The following STIM2 variants were observed in gnomAD, a reference collection of about 807,000 sequenced individuals.
The protein encoded by STIM2 is stromal interaction molecule 2.
STIM2 carries 31 observed loss-of-function variants against 85.8 expected under a neutral mutation model. That is an observed-to-expected ratio of 0.36 (90% CI 0.27 to 0.49). STIM2 has a LOEUF of 0.49. Among genes scored for constraint, STIM2 ranks in the 20% least tolerant of loss-of-function variants. The pLI is 0.98. For synonymous variants in STIM2, 356 were observed against 331.1 expected, an observed-to-expected ratio of 1.08 and a Z score of -0.82; for missense variants, 841 against 927.6, an observed-to-expected ratio of 0.91 and a Z score of 1.21.
At chr4:26,903,677 G>A (rs1198804922) in intron 1 of STIM2, among the ~76,000 whole-genome samples, 2 of 152,120 alleles carry the variant, frequency 1.3e-5, no homozygotes, top group African/African-American at 4.8e-5. Flanking sequence ...GCTGAGGCCT[G>A]CAAAGAATAC....
At chr4:26,862,270 G>A (rs1295248638) in intron 1 of STIM2, among the ~76,000 whole-genome samples, 1 of 151,308 alleles carries the variant, frequency 6.6e-6, no homozygotes, top group Non-Finnish European at 1.5e-5. Flanking sequence ...TATTATATAA[G>A]GACCCTGAAA....
Position 27,008,020 on chromosome 4 carries a change from G to A in STIM2, c.1149+320G>A, listed in dbSNP as rs114621677. On this transcript the variant is annotated intron_variant, in intron 8 of 11. Coordinates refer to ENST00000467087, the MANE Select transcript of STIM2 (RefSeq NM_020860.4). Reference sequence around the variant, plus strand: ...TATCTGATTCAGGTTAGTAGTTACTGGAAATTAACTTTGACACTTAAATTG... The same window carrying A: ...TATCTGATTCAGGTTAGTAGTTACTAGAAATTAACTTTGACACTTAAATTG... 1,138 of 716,638 alleles carry A rather than the reference G, an allele frequency of 1.6e-3. 12 individuals carry two copies. The African/African-American group carries it at 0.019, about 12-fold the overall frequency. The allele number at this position is 716,638 out of a possible 1,614,324, so 44.4% of individuals were successfully genotyped here. A position where few individuals can be genotyped will look rare whatever the true frequency, so the allele number is the denominator to read the frequency against.
chr4:27,016,360 A>G (rs1269022946), intron 10 of STIM2, among the ~76,000 whole-genome samples: 6 of 152,134 alleles, frequency 3.9e-5, no homozygotes, highest in Non-Finnish European at 8.8e-5. Flanking sequence ...TGTTTTACTT[A>G]GCTATTGTTA....
At chr4:26,863,906 A>C (rs1308474502) in intron 1 of STIM2, among the ~76,000 whole-genome samples, 2 of 152,114 alleles carry the variant, frequency 1.3e-5, no homozygotes, top group Non-Finnish European at 2.9e-5. Flanking sequence ...CATTTTTAAT[A>C]CTTACCTTTA....
At chr4:26,918,298 T>A (rs1037337381) in intron 1 of STIM2, among the ~76,000 whole-genome samples, 4 of 151,788 alleles carry the variant, frequency 2.6e-5, no homozygotes, top group Non-Finnish European at 5.9e-5. Context: ...TTCTCCCAGC[T>A]TTTTTTCTCC....
intron 1 of STIM2, among the ~76,000 whole-genome samples, chr4:26,880,484 A>G (rs1382855452): frequency 2.0e-5 from 3 of 151,716 alleles, no homozygotes; most frequent in Non-Finnish European, 4.4e-5. Flanking sequence ...ATAAGCTGTA[A>G]AAGGATTGGG....
chr4:26,947,846 A>G (rs1192644822), intron 2 of STIM2, among the ~76,000 whole-genome samples: 2 of 152,092 alleles, frequency 1.3e-5, no homozygotes, highest in Admixed American at 1.3e-4. Context: ...AGGCAACTTG[A>G]CTCTGTGTAT....
At chr4:27,021,936 GTC>G (rs936907840) in intron 11 of STIM2, among the ~76,000 whole-genome samples, 5 of 152,226 alleles carry the variant, frequency 3.3e-5, no homozygotes, top group South Asian at 2.1e-4. Flanking sequence ...TTTACTGAAT[GTC>G]TGTTTTTTTT....
At chr4:26,934,303 C>G (rs575374915) in intron 2 of STIM2, among the ~76,000 whole-genome samples, 1 of 152,276 alleles carries the variant, frequency 6.6e-6, no homozygotes, top group East Asian at 1.9e-4. Flanking sequence ...TTAGATTATA[C>G]ATCCTTTTTG....
rs1415794943 is a variant in STIM2, at chr4:26,861,190, G to GGCT, written c.-23_-21dup. The GGCT allele has an allele frequency of 3.5e-6, 5 of 1,443,856 alleles. No individual in the cohort carries two copies. In the African/African-American group the frequency reaches 5.9e-5, roughly 17 times the overall value. The allele number at this position is 1,443,856 out of a possible 1,614,324, so 89.4% of individuals were successfully genotyped here. ...TCGACTCCTGGCCCAGCGTGGGGCT[G>GGCT]GCTGCTGCGGCGGCGGCGCTGGGCT... On this transcript the variant is annotated 5_prime_UTR_variant, in exon 1 of 12. Coordinates refer to ENST00000467087, the MANE Select transcript of STIM2 (RefSeq NM_020860.4).
intron 11 of STIM2, among the ~76,000 whole-genome samples, chr4:27,020,545 G>A (rs776419320): frequency 6.6e-6 from 1 of 152,214 alleles, no homozygotes; most frequent in Non-Finnish European, 1.5e-5. Context: ...CCTTTCGAGA[G>A]CTTGTAGTGC....
intron 10 of STIM2, among the ~76,000 whole-genome samples, chr4:27,015,279 T>G (rs1042807967): frequency 2.0e-5 from 3 of 152,004 alleles, no homozygotes; most frequent in Non-Finnish European, 4.4e-5. Flanking sequence ...TTTTAGCCAC[T>G]GCTCTCGCAT....
chr4:26,942,843 C>T (rs867067209), intron 2 of STIM2, among the ~76,000 whole-genome samples: 1 of 152,076 alleles, frequency 6.6e-6, no homozygotes, highest in African/African-American at 2.4e-5. Flanking sequence ...GGTTATCTTA[C>T]CTAATTTCAA....
At chr4:26,972,802 T>G (rs1727013607) in intron 3 of STIM2, among the ~76,000 whole-genome samples, 1 of 152,226 alleles carries the variant, frequency 6.6e-6, no homozygotes, top group Admixed American at 6.5e-5. Flanking sequence ...TTGGAATAGT[T>G]TCAGAAGGAA....
chr4:26,899,014 T>C (rs1416473698), intron 1 of STIM2, among the ~76,000 whole-genome samples: 6 of 152,006 alleles, frequency 3.9e-5, no homozygotes, highest in Non-Finnish European at 8.8e-5. Flanking sequence ...AATAGAACCT[T>C]AGTAAATGTT....
At chr4:26,861,694 GATTT>G in intron 1 of STIM2, 2 of 161,126 alleles carry the variant, frequency 1.2e-5, no homozygotes, top group Middle Eastern at 2.3e-3. Context: ...GGACTGGGCT[GATTT>G]TTTTTTTTTT....
chr4:27,023,266 C>G lies in STIM2; in HGVS notation c.*270C>G, dbSNP rs1050291571. ...AGTCATTTCTGCCTATTTATTTCTG[C>G]TTTGTTCTCAGTGATGTATATGCAA... is the stretch of plus-strand genomic sequence containing the variant. On this transcript the variant is annotated 3_prime_UTR_variant, in exon 12 of 12. Transcript: ENST00000467087. 8.5e-5 allele frequency: 35 copies of G among 410,540 alleles called. 2 individuals are homozygous for G. The highest frequency in any genetic ancestry group is 6.2e-4 in the Admixed American group (16 of 25,792). The allele number at this position is 410,540 out of a possible 1,614,324, so 25.4% of individuals were successfully genotyped here. A position where few individuals can be genotyped will look rare whatever the true frequency, so the allele number is the denominator to read the frequency against.
At chr4:26,867,282 A>T (rs1722443498) in intron 1 of STIM2, among the ~76,000 whole-genome samples, 1 of 152,168 alleles carries the variant, frequency 6.6e-6, no homozygotes, top group African/African-American at 2.4e-5. Flanking sequence ...GAAGAAACAC[A>T]CTATTTGTGA....
chr4:26,989,828 C>T (rs992559620), intron 3 of STIM2, among the ~76,000 whole-genome samples: 36 of 152,010 alleles, frequency 2.4e-4, no homozygotes, highest in African/African-American at 8.7e-4. Context: ...AGAGATCACT[C>T]TGAAAAAGAA....
Sources: allele counts gnomAD v4.1 joint callset (sites outside exome capture counted in the v4.1 genomes callset), GRCh38; gene constraint gnomAD v4.1.1; transcripts MANE v1.5; gene names NCBI Gene and HGNC (gene_info 2026-07-23, HGNC 2026-07-21).